Variants in AP3D1 observed in about 807,000 individuals in gnomAD.
The protein encoded by AP3D1 is adaptor related protein complex 3 subunit delta 1, also known as AP-3 complex subunit delta-1.
In AP3D1, 51 loss-of-function variants were observed where a neutral mutation model predicts 147.6. That is an observed-to-expected ratio of 0.35 (90% CI 0.28 to 0.44). The LOEUF (loss-of-function observed/expected upper bound fraction) is 0.44. Among genes scored for constraint, AP3D1 ranks in the 20% least tolerant of loss-of-function variants. The pLI is 1.00. For missense variants in AP3D1, 1,421 were observed against 1,624.2 expected (o/e 0.87, Z 2.15); for synonymous variants, 760 against 663.0 (o/e 1.15, Z -2.25).
chr19:2,123,141 G>A (rs956243438), intron 11 of AP3D1, among the ~76,000 whole-genome samples: 1 of 152,242 alleles, frequency 6.6e-6, no homozygotes, highest in African/African-American at 2.4e-5. Context: ...GGGGCTCAGA[G>A]GAGCTGGTGT....
chr19:2,112,685 G>C (rs973958249), intron 24 of AP3D1, 175 bp downstream of exon 24: 1 of 561,712 alleles, frequency 1.8e-6, no homozygotes, highest in Non-Finnish European at 3.1e-6. Flanking sequence ...TGAATAAGAA[G>C]GTTATTAAAA....
At chr19:2,129,542 C>T (rs1568295997) in intron 6 of AP3D1, 85 bp from the exon 7 acceptor site, 2 of 1,486,374 alleles carry the variant, frequency 1.3e-6, no homozygotes, top group Non-Finnish European at 1.8e-6. Flanking sequence ...CGAGGAAGTT[C>T]TGGGGCCTGC....
chr19:2,123,821 G>C lies in AP3D1; in HGVS notation c.906+9C>G, dbSNP rs565876786. 2.6e-6 allele frequency: 4 copies of C among 1,568,152 alleles called. No individual in the cohort carries two copies. Among genetic ancestry groups the C allele is most frequent in the Non-Finnish European group, 3.5e-6 (4 of 1,156,994 alleles). ...GGACCCCATGGGCCCCGCCCAGTGC[G>C]GGACGTACCTGGATGCTGGCGCTGT... is the stretch of plus-strand genomic sequence containing the variant. On this transcript the variant is annotated intron_variant, in intron 10 of 31. Transcript: ENST00000643116.
intron 31 of AP3D1, among the ~76,000 whole-genome samples, chr19:2,105,557 C>G (rs555892374): frequency 1.3e-5 from 2 of 152,322 alleles, no homozygotes; most frequent in South Asian, 4.1e-4. Context: ...TCTATAGAAA[C>G]AATGCTAATG....
At position 2,129,036 on chromosome 19, in the gene AP3D1, G is replaced by A. The variant is rs878987554; in HGVS notation, c.806+54C>T. The A allele has an allele frequency of 8.7e-4, 1,092 of 1,254,296 alleles. 37 individuals carry two copies. The African/African-American group carries it at 0.013, about 14-fold the overall frequency. 77.7% of individuals were successfully genotyped at this position (1,254,296 alleles called of 1,614,324 possible). On this transcript the variant is annotated intron_variant, in intron 8 of 31. Coordinates refer to ENST00000643116, the MANE Select transcript of AP3D1 (RefSeq NM_001261826.3). ...GGAGCCGGCCCGCCCCCGCCGCTCC[G>A]ACACTGCACCCCGTGGAGCCGGCCC...
chr19:2,151,784 A>G (rs2019528074), upstream of AP3D1, among the ~76,000 whole-genome samples: 1 of 151,982 alleles, frequency 6.6e-6, no homozygotes. Context: ...GGCCTCCGGA[A>G]CTCCGCCTTC....
chr19:2,113,434 G>T, intron 22 of AP3D1, 21 bp from the exon 23 acceptor site: 2 of 1,429,030 alleles, frequency 1.4e-6, no homozygotes, highest in South Asian at 1.5e-5. Flanking sequence ...AAGACAGGCT[G>T]TCAGCAAACG....
intron 9 of AP3D1, among the ~76,000 whole-genome samples, chr19:2,125,834 A>AG (rs893144361): frequency 1.5e-5 from 2 of 131,586 alleles, no homozygotes; most frequent in South Asian, 2.4e-4. Flanking sequence ...AAGTAAAGCT[A>AG]GAAAAAAAAA....
At chr19:2,145,451 T>A (rs1859953) in intron 1 of AP3D1, among the ~76,000 whole-genome samples, 1 of 152,106 alleles carries the variant, frequency 6.6e-6, no homozygotes, top group Non-Finnish European at 1.5e-5. Flanking sequence ...GGGCGATGTA[T>A]GCAGCATCTG....
intron 1 of AP3D1, among the ~76,000 whole-genome samples, chr19:2,141,936 TTA>T (rs1232146666): frequency 2.7e-5 from 4 of 149,694 alleles, no homozygotes; most frequent in South Asian, 4.2e-4. Flanking sequence ...TTATATATAT[TTA>T]TATATATTTA....
chr19:2,101,124 C>T lies in AP3D1; in HGVS notation c.*1049G>A, dbSNP rs1473880517. On this transcript the variant is annotated 3_prime_UTR_variant, in exon 32 of 32. Transcript: ENST00000643116. The stretch of plus-strand genomic sequence containing the variant: ...GTAACACATCATACAATTTCAAATC[C>T]TGGAATCACTGCATGGGATTCTGTA... The T allele has an allele frequency of 6.6e-6, 1 of 152,604 alleles. No homozygotes were observed. Among genetic ancestry groups the T allele is most frequent in the Non-Finnish European group, 1.5e-5 (1 of 68,030 alleles). 9.5% of individuals were successfully genotyped at this position (152,604 alleles called of 1,614,324 possible). A position where few individuals can be genotyped will look rare whatever the true frequency, so the allele number is the denominator to read the frequency against.
chr19:2,122,876 C>G (rs2018649697), intron 11 of AP3D1, among the ~76,000 whole-genome samples: 1 of 152,216 alleles, frequency 6.6e-6, no homozygotes, highest in Non-Finnish European at 1.5e-5. Flanking sequence ...GTACAAGGTA[C>G]CAGGCAGGGG....
chr19:2,114,162 T>G lies in AP3D1; in HGVS notation c.2564A>C (p.Glu855Ala). ...KKKEKKHKEK[E>A]RDKEKKKEKE... ...CTCCTTCTTCTTCTCCTTGTCTCTC[T>G]CTTTCTCTTTGTGTTTTTTCTCTTT... is the stretch of plus-strand genomic sequence containing the variant. Residue 855 changes from glutamate (E) to alanine (A), a missense_variant, in exon 22 of 32, where the codon GAG becomes GCG. Glu to Ala is a moderately radical substitution (Grantham distance 107). Coordinates refer to ENST00000643116, the MANE Select transcript of AP3D1 (RefSeq NM_001261826.3). The G allele has an allele frequency of 3.8e-6, 6 of 1,577,620 alleles. No homozygotes were observed. The highest frequency in any genetic ancestry group is 5.2e-6 in the Non-Finnish European group (6 of 1,161,068).
At chr19:2,125,143 A>AT (rs1253388722) in intron 9 of AP3D1, among the ~76,000 whole-genome samples, 2 of 152,184 alleles carry the variant, frequency 1.3e-5, no homozygotes, top group Non-Finnish European at 2.9e-5. Flanking sequence ...TGAAATAATA[A>AT]TTTTTTTAAT....
chr19:2,118,856 C>T (rs141098833), intron 14 of AP3D1, 24 bp from the exon 15 acceptor site: 7 of 1,599,402 alleles, frequency 4.4e-6, no homozygotes, highest in Middle Eastern at 1.7e-4. Context: ...ACACTGTGAG[C>T]CCCCAGGATG....
chr19:2,139,542 G>A (rs891916250), intron 1 of AP3D1, among the ~76,000 whole-genome samples: 2 of 152,170 alleles, frequency 1.3e-5, no homozygotes, highest in African/African-American at 2.4e-5. Flanking sequence ...GACGTGAGGC[G>A]CCCAACATAG....
rs1272939642 is a variant in AP3D1, at chr19:2,151,341, G to A, written c.-7C>T. On this transcript the variant is annotated 5_prime_UTR_variant, in exon 1 of 32. Coordinates refer to ENST00000643116, the MANE Select transcript of AP3D1 (RefSeq NM_001261826.3). ...TCACCATCTTGAGGGCCATCGCGGCGGCCCACGGGCTTTTGCCTCGGGAGG... is the reference window on the plus strand; with the variant it reads ...TCACCATCTTGAGGGCCATCGCGGCAGCCCACGGGCTTTTGCCTCGGGAGG... 4 of 1,556,682 alleles carry A rather than the reference G, an allele frequency of 2.6e-6. No homozygotes were observed. The highest frequency in any genetic ancestry group is 1.8e-5 in the Admixed American group (1 of 55,686).
intron 11 of AP3D1, 144 bp downstream of exon 11, chr19:2,123,214 C>T: frequency 1.2e-6 from 1 of 850,192 alleles, no homozygotes; most frequent in Non-Finnish European, 1.9e-6. Flanking sequence ...TGGCAGAGGG[C>T]TGCCTCTGAG....
At chr19:2,116,843 G>A (rs2018470214) in intron 16 of AP3D1, 97 bp from the exon 17 acceptor site, 2 of 1,431,810 alleles carry the variant, frequency 1.4e-6, no homozygotes. Flanking sequence ...CTGGCCATGT[G>A]ATATCCCAAA....
Sources: allele counts gnomAD v4.1 joint callset (sites outside exome capture counted in the v4.1 genomes callset), GRCh38; gene constraint gnomAD v4.1.1; transcripts MANE v1.5; gene names NCBI Gene and HGNC (gene_info 2026-07-23, HGNC 2026-07-21).